The following SLC38A12 variants were observed in gnomAD, a reference collection of about 807,000 sequenced individuals.
The protein encoded by SLC38A12 is putative sodium-coupled neutral amino acid transporter 12.
chr17:74,838,059 C>T, the SLC38A12 span: 97 of 985,884 alleles, frequency 9.8e-5, no homozygotes, highest in African/African-American at 1.1e-3. Flanking sequence ...CTCCCGGGGC[C>T]CAAGGTGGTC....
At chr17:74,812,660 C>A in the SLC38A12 span, among the ~76,000 whole-genome samples, 1 of 152,168 alleles carries the variant, frequency 6.6e-6, no homozygotes. Context: ...TCCGCCTCCA[C>A]CCAGATGAGC....
the SLC38A12 span, among the ~76,000 whole-genome samples, chr17:74,801,264 C>G: frequency 6.6e-6 from 1 of 152,230 alleles, no homozygotes; most frequent in Non-Finnish European, 1.5e-5. Flanking sequence ...TGCCTTTCAC[C>G]TTTTCCTCCC....
At chr17:74,823,749 A>C in the SLC38A12 span, among the ~76,000 whole-genome samples, 1 of 152,158 alleles carries the variant, frequency 6.6e-6, no homozygotes, top group Admixed American at 6.5e-5. Context: ...CAGATTCCTG[A>C]GCAATCAGGT....
chr17:74,788,523 C>A, the SLC38A12 span, among the ~76,000 whole-genome samples: 1 of 152,216 alleles, frequency 6.6e-6, no homozygotes, highest in African/African-American at 2.4e-5. Context: ...CTGCCCCCAG[C>A]TCCCTCTCTC....
chr17:74,822,219 C>A, the SLC38A12 span, among the ~76,000 whole-genome samples: 2 of 152,230 alleles, frequency 1.3e-5, no homozygotes, highest in Non-Finnish European at 2.9e-5. Flanking sequence ...GCCAGCAGGG[C>A]CCCGGGGTCC....
the SLC38A12 span, among the ~76,000 whole-genome samples, chr17:74,812,836 C>T: frequency 6.6e-6 from 1 of 152,180 alleles, no homozygotes; most frequent in East Asian, 1.9e-4. Context: ...CAGCCCCCAG[C>T]CCTGGAGTGA....
the SLC38A12 span, chr17:74,836,061 T>A: frequency 9.3e-6 from 15 of 1,613,376 alleles, no homozygotes; most frequent in Admixed American, 1.7e-5. This position sits in a 1 kb window ranked among gnomAD's most constrained non-coding sequence, Gnocchi z 4.2. Context: ...GTGCCAGCAC[T>A]CTCTGCCATC....
the SLC38A12 span, chr17:74,795,605 C>T: frequency 3.7e-6 from 6 of 1,613,954 alleles, no homozygotes; most frequent in Admixed American, 1.7e-5. Context: ...GGCCCCTGCG[C>T]CGAGTGGACG....
chr17:74,786,218 C>T, the SLC38A12 span, among the ~76,000 whole-genome samples: 10 of 152,264 alleles, frequency 6.6e-5, no homozygotes, highest in African/African-American at 9.6e-5. Context: ...TCGGGGATTC[C>T]CACACACGTA....
chr17:74,780,990 C>A, the SLC38A12 span, among the ~76,000 whole-genome samples: 2 of 152,220 alleles, frequency 1.3e-5, no homozygotes, highest in Non-Finnish European at 2.9e-5. Context: ...ATCCTGCCCC[C>A]CAGAGGACAG....
the SLC38A12 span, among the ~76,000 whole-genome samples, chr17:74,783,627 A>G: frequency 6.6e-6 from 1 of 151,800 alleles, no homozygotes; most frequent in Non-Finnish European, 1.5e-5. Flanking sequence ...ACCTGCTGGG[A>G]AGCCTGTCTT....
At chr17:74,800,879 A>G in the SLC38A12 span, among the ~76,000 whole-genome samples, 1 of 152,232 alleles carries the variant, frequency 6.6e-6, no homozygotes, top group Non-Finnish European at 1.5e-5. Context: ...GTCTCTGTTT[A>G]GGAGTCTAGT....
At chr17:74,784,099 A>G in the SLC38A12 span, among the ~76,000 whole-genome samples, 1 of 152,034 alleles carries the variant, frequency 6.6e-6, no homozygotes. Flanking sequence ...TTGTGTTTCT[A>G]TCACAAATTC....
At chr17:74,807,650 A>C in the SLC38A12 span, among the ~76,000 whole-genome samples, 1 of 152,236 alleles carries the variant, frequency 6.6e-6, no homozygotes, top group Non-Finnish European at 1.5e-5. Flanking sequence ...GGGCAGAAGT[A>C]GAAGGGAGCA....
At chr17:74,804,279 C>T in the SLC38A12 span, among the ~76,000 whole-genome samples, 11 of 152,246 alleles carry the variant, frequency 7.2e-5, no homozygotes, top group African/African-American at 2.7e-4. Flanking sequence ...AAGTAATAGC[C>T]GTGATCCTTC....
At chr17:74,835,011 C>T in the SLC38A12 span, among the ~76,000 whole-genome samples, 1 of 152,230 alleles carries the variant, frequency 6.6e-6, no homozygotes, top group Non-Finnish European at 1.5e-5. Context: ...GGAACTCAGC[C>T]TGGAGGGCGT....
chr17:74,836,615 C>T, the SLC38A12 span: 8 of 1,613,220 alleles, frequency 5.0e-6, no homozygotes, highest in Non-Finnish European at 5.9e-6. This position sits in a 1 kb window ranked among gnomAD's most constrained non-coding sequence, Gnocchi z 4.2. Flanking sequence ...GGGTGGGCTT[C>T]GTGCTGCTCT....
the SLC38A12 span, chr17:74,837,754 T>G: frequency 1.0e-6 from 1 of 985,872 alleles, no homozygotes; most frequent in Non-Finnish European, 1.2e-6. Flanking sequence ...CACTCAGCCA[T>G]GCACGCACTT....
the SLC38A12 span, among the ~76,000 whole-genome samples, chr17:74,815,086 CCTT>C: frequency 1.3e-5 from 2 of 152,128 alleles, no homozygotes; most frequent in South Asian, 4.1e-4. Flanking sequence ...GAGAGGGGGA[CCTT>C]CTCCCTCTGC....
Sources: gnomAD v4.1 joint callset for allele counts (sites outside exome capture counted in the v4.1 genomes callset) on GRCh38, gnomAD v4.1.1 for gene constraint, Gnocchi (gnomAD v3.1) non-coding constraint, MANE v1.5 for transcripts, NCBI Gene and HGNC (gene_info 2026-07-23, HGNC 2026-07-21) for gene names.